Variants in GSE1 observed in about 807,000 individuals in gnomAD.
The protein encoded by GSE1 is genetic suppressor element 1.
Under a neutral mutation model 112.6 loss-of-function variants are expected in GSE1, and 32 were observed. The ratio of observed to expected loss-of-function variants is 0.28; its 90% CI spans 0.21 to 0.38. The LOEUF (loss-of-function observed/expected upper bound fraction) is 0.38. GSE1 is among the 10% of genes least tolerant of loss of function. GSE1 has a pLI of 1.00. For missense variants in GSE1, 2,348 were observed against 1,699.2 expected (o/e 1.38, Z -6.71); for synonymous variants, 1,115 against 735.6 (o/e 1.52, Z -8.35).
chr16:85,376,785 C>T (rs2047430463), intron 2 of GSE1, among the ~76,000 whole-genome samples: 1 of 152,142 alleles, frequency 6.6e-6, no homozygotes, highest in African/African-American at 2.4e-5. Context: ...GGGGCTGGGG[C>T]TGGGAGATGG....
At chr16:85,529,036 C>T (rs1375361198) in intron 2 of GSE1, among the ~76,000 whole-genome samples, 3 of 152,170 alleles carry the variant, frequency 2.0e-5, no homozygotes, top group African/African-American at 4.8e-5. Context: ...CTTGGTGGAC[C>T]GGCCTCCTCA....
chr16:85,293,649 G>A (rs1202225810), intron 1 of GSE1, among the ~76,000 whole-genome samples: 4 of 152,212 alleles, frequency 2.6e-5, no homozygotes, highest in Admixed American at 2.0e-4. Flanking sequence ...CAGCGGGACG[G>A]CTTCCTTCTG....
At chr16:85,642,900 G>C (rs1021089236) in intron 2 of GSE1, among the ~76,000 whole-genome samples, 5 of 152,144 alleles carry the variant, frequency 3.3e-5, no homozygotes, top group African/African-American at 1.2e-4. Context: ...TTTGGGGCCT[G>C]ACCACGGTGA....
intron 2 of GSE1, among the ~76,000 whole-genome samples, chr16:85,531,209 C>T (rs571801682): frequency 6.6e-6 from 1 of 152,320 alleles, no homozygotes; most frequent in South Asian, 2.1e-4. Flanking sequence ...TGTCCTTTAG[C>T]CCCACTGTGG....
chr16:85,646,851 G>C (rs916403591), intron 2 of GSE1, among the ~76,000 whole-genome samples: 2 of 149,948 alleles, frequency 1.3e-5, no homozygotes, highest in African/African-American at 4.9e-5. Context: ...CCTCTGGGGA[G>C]CTGCTCTGGT....
At chr16:85,296,465 G>A (rs2045370044) in intron 1 of GSE1, among the ~76,000 whole-genome samples, 1 of 152,076 alleles carries the variant, frequency 6.6e-6, no homozygotes, top group African/African-American at 2.4e-5. Context: ...AAATTAGCCG[G>A]ATGTGGTGGT....
rs563805552 is a variant in GSE1, at chr16:85,535,571, C to A, written c.2465-98343C>A. 4.7e-4 allele frequency among the ~76,000 whole-genome samples: 71 copies of A among 152,316 alleles called. 1 individual carries two copies. The highest frequency in any genetic ancestry group is 1.6e-3 in the African/African-American group (65 of 41,570). ...GAGGGATTAAAAAGCAAAGCCACCGCGGCCCTCTGGGTGTGACAGTTGGCT... is the reference window on the plus strand; with the variant it reads ...GAGGGATTAAAAAGCAAAGCCACCGAGGCCCTCTGGGTGTGACAGTTGGCT... On this transcript the variant is annotated intron_variant, in intron 2 of 2. Coordinates refer to the GSE1 transcript ENST00000637419.
Position 85,241,025 on chromosome 16 carries a change from C to T in GSE1, c.2283+69218C>T, listed in dbSNP as rs1469599165. 3.9e-5 allele frequency among the ~76,000 whole-genome samples: 6 copies of T among 152,158 alleles called. No individual in the cohort carries two copies. The East Asian group carries it at 7.7e-4, about 20-fold the overall frequency. ...GTCCAGTCTGGAGGCTGGAGGAGGC[C>T]GTTTCCATCTTCCATGGATGCCTGT... is the stretch of plus-strand genomic sequence containing the variant. On this transcript the variant is annotated intron_variant, in intron 1 of 2. Transcript: ENST00000637419.
Position 85,657,395 on chromosome 16 carries a change from G to A in GSE1, c.1431G>A (p.Leu477=), listed in dbSNP as rs1332028183. Residue 477 remains leucine (L), a synonymous_variant, in exon 8 of 16, where the codon CTG becomes CTA. Transcript: ENST00000253458. ...SLISNHGIFS[L]PSSSAATALL... is the part of the protein sequence containing the mutation. ...TCTCCAACCATGGCATCTTCTCTCT[G>A]CCTAGCAGCAGTGCTGCCACAGCCC... 1 of 1,612,640 alleles carries A rather than the reference G, an allele frequency of 6.2e-7. No homozygotes were observed. Among genetic ancestry groups the A allele is most frequent in the Non-Finnish European group, 8.5e-7 (1 of 1,179,844 alleles).
intron 2 of GSE1, among the ~76,000 whole-genome samples, chr16:85,634,467 A>C (rs1347150380): frequency 6.6e-6 from 1 of 152,178 alleles, no homozygotes; most frequent in Non-Finnish European, 1.5e-5. Flanking sequence ...GGGAGCCCCA[A>C]GAGGCTGCAG....
intron 1 of GSE1, among the ~76,000 whole-genome samples, chr16:85,283,749 G>A (rs538233208): frequency 2.4e-4 from 37 of 152,358 alleles, no homozygotes; most frequent in African/African-American, 8.9e-4. Context: ...CTTCATAAGT[G>A]TATTAGCTCA....
chr16:85,505,930 A>G (rs576979332), intron 2 of GSE1, among the ~76,000 whole-genome samples: 16 of 151,782 alleles, frequency 1.1e-4, no homozygotes, highest in African/African-American at 3.9e-4. Flanking sequence ...CTGTGACTGC[A>G]CCACTGCATT....
intron 1 of GSE1, among the ~76,000 whole-genome samples, chr16:85,281,549 G>A (rs1482098256): frequency 6.6e-5 from 10 of 152,100 alleles, no homozygotes; most frequent in Admixed American, 6.6e-4. Flanking sequence ...AATTAGTTGG[G>A]GCTAAGAGGC....
At chr16:85,332,106 G>A (rs1357562794) in intron 1 of GSE1, among the ~76,000 whole-genome samples, 4 of 152,152 alleles carry the variant, frequency 2.6e-5, no homozygotes, top group African/African-American at 9.7e-5. Context: ...GGGGAGCCAG[G>A]GATGGGGCAG....
chr16:85,366,957 T>A (rs2047197625), intron 2 of GSE1, among the ~76,000 whole-genome samples: 1 of 152,090 alleles, frequency 6.6e-6, no homozygotes, highest in Non-Finnish European at 1.5e-5. Context: ...GGGTGGGGTG[T>A]CCCCGGGGCA....
At chr16:85,671,530 CAT>C (rs1208916876) in intron 15 of GSE1, among the ~76,000 whole-genome samples, 2 of 151,644 alleles carry the variant, frequency 1.3e-5, no homozygotes, top group Non-Finnish European at 2.9e-5. Flanking sequence ...GGCAGGATCA[CAT>C]GAGCCCAGGA....
At chr16:85,562,554 C>G (rs960393683) in intron 1 of GSE1, among the ~76,000 whole-genome samples, 1 of 152,212 alleles carries the variant, frequency 6.6e-6, no homozygotes, top group African/African-American at 2.4e-5. Context: ...GGCAAGAATG[C>G]GTGTCCTTCT....
At chr16:85,191,653 GC>G (rs1236431291) in intron 1 of GSE1, among the ~76,000 whole-genome samples, 1 of 152,098 alleles carries the variant, frequency 6.6e-6, no homozygotes, top group Non-Finnish European at 1.5e-5. Flanking sequence ...CTCACTTCAC[GC>G]CCCGGCATGA....
chr16:85,633,672 C>T (rs1166793936), intron 1 of GSE1, among the ~76,000 whole-genome samples: 3 of 152,202 alleles, frequency 2.0e-5, no homozygotes, highest in South Asian at 2.1e-4. Flanking sequence ...TGGCCCAAGC[C>T]GTTCAGCATC....
Sources: gnomAD v4.1 joint callset for allele counts (sites outside exome capture counted in the v4.1 genomes callset) on GRCh38, gnomAD v4.1.1 for gene constraint, MANE v1.5 for transcripts, NCBI Gene and HGNC (gene_info 2026-07-23, HGNC 2026-07-21) for gene names.